The following CSF1R variants were observed in gnomAD, a reference collection of about 807,000 sequenced individuals.
The protein encoded by CSF1R is macrophage colony-stimulating factor 1 receptor.
CSF1R carries 40 observed loss-of-function variants against 110.0 expected under a neutral mutation model. The ratio of observed to expected loss-of-function variants is 0.36; its 90% confidence interval spans 0.28 to 0.47. The LOEUF is 0.47. CSF1R is among the 20% of genes least tolerant of loss of function. The pLI is 0.99. For missense variants in CSF1R, 1,052 were observed against 1,253.0 expected, an observed-to-expected ratio of 0.84 and a Z score of 2.42; for synonymous variants, 523 against 503.4, an observed-to-expected ratio of 1.04 and a Z score of -0.52.
intron 1 of CSF1R, among the ~76,000 whole-genome samples, chr5:150,105,384 A>ATATTT (rs1325691091): frequency 2.4e-5 from 2 of 84,248 alleles, no homozygotes; most frequent in African/African-American, 5.3e-5. Flanking sequence ...ATATATATAT[A>ATATTT]TTTTTTTTTT....
At position 150,053,852 on chromosome 5, in the gene CSF1R, C is replaced by G; in HGVS notation, c.*217G>C. ...AGTAGGGGAGGGGGGGGTGAGGGCTCAGCCCCCAGCCCCTGACTGGCAGTG... is the reference window on the plus strand; with the variant it reads ...AGTAGGGGAGGGGGGGGTGAGGGCTGAGCCCCCAGCCCCTGACTGGCAGTG... On this transcript the variant is annotated 3_prime_UTR_variant, in exon 21 of 21. Transcript: ENST00000675795. 1 of 599,140 alleles carries G rather than the reference C, an allele frequency of 1.7e-6. No homozygotes were observed. The highest frequency in any genetic ancestry group is 2.0e-5 in the South Asian group (1 of 50,756). 37.1% of individuals were successfully genotyped at this position (599,140 alleles called of 1,614,324 possible).
chr5:150,076,531 G>C (rs1224743031), intron 5 of CSF1R, among the ~76,000 whole-genome samples: 10 of 152,144 alleles, frequency 6.6e-5, no homozygotes, highest in Non-Finnish European at 1.3e-4. Flanking sequence ...CCACCACGAA[G>C]TGCCTCCTCT....
intron 10 of CSF1R, among the ~76,000 whole-genome samples, chr5:150,064,712 C>T (rs1757683997): frequency 6.6e-6 from 1 of 152,174 alleles, no homozygotes; most frequent in Non-Finnish European, 1.5e-5. Flanking sequence ...CCCCTCCCTG[C>T]CCCCAGCTGG....
At chr5:150,101,614 C>T (rs1354460960) in intron 1 of CSF1R, among the ~76,000 whole-genome samples, 4 of 151,418 alleles carry the variant, frequency 2.6e-5, no homozygotes, top group African/African-American at 4.9e-5. Flanking sequence ...CAGAGAGTGG[C>T]GGTGCTGGCA....
At chr5:150,056,396 G>A in intron 16 of CSF1R, 55 bp from the exon 17 acceptor site, 3 of 1,605,230 alleles carry the variant, frequency 1.9e-6, no homozygotes, top group Non-Finnish European at 2.6e-6. Context: ...TGAGCCTGAG[G>A]TGAGGAGGAT....
chr5:150,109,059 C>CA (rs1759635708), intron 1 of CSF1R, among the ~76,000 whole-genome samples: 1 of 8,398 alleles, frequency 1.2e-4, no homozygotes, highest in Non-Finnish European at 3.5e-4. Flanking sequence ...GAGAAGCCCG[C>CA]CCCCCCCCCA....
At position 150,085,459 on chromosome 5, in the gene CSF1R, T is replaced by C. The variant is rs79859390; in HGVS notation, c.49+920A>G. ...CTTCAATCCCCATCCTCCCCCAAGG[T>C]CCCTTTGAATAAGCAGGCAATAGAA... is the stretch of plus-strand genomic sequence containing the variant. On this transcript the variant is annotated intron_variant, in intron 1 of 20. Transcript: ENST00000675795. Among the ~76,000 whole-genome samples the C allele has an allele frequency of 6.6e-3, 998 of 151,734 alleles. 10 individuals are homozygous for C. The highest frequency in any genetic ancestry group is 0.024 in the Middle Eastern group (7 of 294).
intron 1 of CSF1R, among the ~76,000 whole-genome samples, chr5:150,107,625 A>G (rs1759591902): frequency 6.6e-6 from 1 of 152,268 alleles, no homozygotes; most frequent in African/African-American, 2.4e-5. Flanking sequence ...ACCCAGAGCC[A>G]GAGCCCACAT....
intron 1 of CSF1R, among the ~76,000 whole-genome samples, chr5:150,085,851 C>T (rs1758819149): frequency 6.6e-6 from 1 of 151,888 alleles, no homozygotes; most frequent in Non-Finnish European, 1.5e-5. Flanking sequence ...CTGCCAGAGC[C>T]ATCAGGAGCT....
intron 9 of CSF1R, among the ~76,000 whole-genome samples, chr5:150,068,820 G>T (rs1299142699): frequency 2.3e-4 from 35 of 152,082 alleles, no homozygotes; most frequent in Non-Finnish European, 4.4e-5. Flanking sequence ...CAGGCTTGTG[G>T]CCCCTGAGTC....
chr5:150,061,527 C>T lies in CSF1R; in HGVS notation c.1822G>A (p.Asp608Asn). ...TTCACAGCCACCTTCAGGACAGCAT[C>T]CTCCTTGCCCAGACCAAAGGCCGTG... The part of the protein sequence containing the change: ...EATAFGLGKE[D>N]AVLKVAVKML... Residue 608 changes from aspartate to asparagine, a missense_variant, in exon 12 of 21, where the codon GAT becomes AAT. This residue lies in a region of CSF1R where 76 missense variants were observed against 133.6 expected (regional missense o/e 0.57). Coordinates refer to ENST00000675795, the MANE Select transcript of CSF1R (RefSeq NM_001288705.3). 1 of 1,608,692 alleles carries T rather than the reference C, an allele frequency of 6.2e-7. No homozygotes were observed.
At position 150,074,778 on chromosome 5, in the gene CSF1R, G is replaced by A. The variant is rs566577231; in HGVS notation, c.890-1285C>T. Among the ~76,000 whole-genome samples, 42 of 152,178 alleles carry A rather than the reference G, an allele frequency of 2.8e-4. 1 individual carries two copies. The highest frequency in any genetic ancestry group is 1.6e-3 in the Admixed American group (24 of 15,294). On this transcript the variant is annotated intron_variant, in intron 5 of 20. Transcript: ENST00000675795. ...CATTGCCTCCATTATTCAGCGTGGC[G>A]TTCAAGGCTCTCAATCAAATCAGGT... is the stretch of plus-strand genomic sequence containing the variant.
rs1458673167 is a variant in CSF1R at position 150,055,017 on chromosome 5, A to T, written c.2654+220T>A. 2.0e-5 allele frequency among the ~76,000 whole-genome samples: 3 copies of T among 146,884 alleles called. No homozygotes were observed. In the East Asian group the frequency reaches 6.0e-4, roughly 30 times the overall value. Reference sequence around the variant, plus strand: ...TCAAAAAAAAAAAAAAAAAAAAAGGAAAAGTGGTCGGTTAGGACCAGCCCT... The same window carrying T: ...TCAAAAAAAAAAAAAAAAAAAAAGGTAAAGTGGTCGGTTAGGACCAGCCCT... On this transcript the variant is annotated intron_variant, in intron 19 of 20. Transcript: ENST00000675795.
chr5:150,072,248 C>T (rs566588238), intron 6 of CSF1R, among the ~76,000 whole-genome samples: 51 of 152,294 alleles, frequency 3.3e-4, no homozygotes, highest in African/African-American at 1.2e-3. Context: ...AATCCTAGCA[C>T]CTTGGGAGGC....
At chr5:150,074,325 T>G (rs1581312931) in intron 5 of CSF1R, among the ~76,000 whole-genome samples, 1 of 149,148 alleles carries the variant, frequency 6.7e-6, no homozygotes. Flanking sequence ...TTTTTTTTTT[T>G]GAAACAGAGT....
Position 150,073,497 on chromosome 5 carries a change from G to A in CSF1R, c.890-4C>T, listed in dbSNP as rs778797614. On this transcript the variant is annotated splice_region_variant and splice_polypyrimidine_tract_variant and intron_variant, in intron 5 of 20. Transcript: ENST00000675795. ...CTCAAGTTCAAGTAGGCACTCTCTG[G>A]AAAGCAGAACACACAAGCATCTGGC... 239 of 1,611,332 alleles carry A rather than the reference G, an allele frequency of 1.5e-4. No individual in the cohort carries two copies. Among genetic ancestry groups the A allele is most frequent in the Non-Finnish European group, 1.9e-4 (224 of 1,178,068 alleles).
At chr5:150,105,674 C>T (rs907311626) in intron 1 of CSF1R, among the ~76,000 whole-genome samples, 2 of 152,114 alleles carry the variant, frequency 1.3e-5, no homozygotes, top group Middle Eastern at 3.4e-3. Context: ...AGGCACACAC[C>T]GCCCACTTGA....
At chr5:150,087,764 G>T (rs1173922886), upstream of CSF1R, among the ~76,000 whole-genome samples, 2 of 150,276 alleles carry the variant, frequency 1.3e-5, no homozygotes, top group African/African-American at 4.9e-5. Context: ...GACAGGGTTT[G>T]GTTCTGTCAC....
At chr5:150,081,095 G>A in intron 1 of CSF1R, 71 bp from the exon 2 acceptor site, 1 of 1,556,668 alleles carries the variant, frequency 6.4e-7, no homozygotes, top group Non-Finnish European at 8.8e-7. Context: ...CTGACTCTGA[G>A]ATGGGTGGTA....
Sources: allele counts gnomAD v4.1 joint callset (sites outside exome capture counted in the v4.1 genomes callset), GRCh38; gene constraint gnomAD v4.1.1; regional missense constraint gnomAD v4.1.1; transcripts MANE v1.5; gene names NCBI Gene and HGNC (gene_info 2026-07-23, HGNC 2026-07-21).